Variants in PTPRD observed in about 807,000 individuals in gnomAD.
The protein encoded by PTPRD is receptor-type tyrosine-protein phosphatase delta.
A neutral mutation model predicts 214.5 loss-of-function variants in PTPRD; 34 were observed. The observed-to-expected ratio is 0.16, with a 90% CI of 0.12 to 0.21. The LOEUF is 0.21. PTPRD is among the 10% of genes least tolerant of loss of function. The pLI, the probability that PTPRD is intolerant of heterozygous loss-of-function variation, is 1.00. For missense variants in PTPRD, 2,545 were observed against 2,398.7 expected, an observed-to-expected ratio of 1.06 and a Z score of -1.27; for synonymous variants, 1,128 against 845.7, an observed-to-expected ratio of 1.33 and a Z score of -5.79.
chr9:10,552,480 C>T (rs957388258), intron 2 of PTPRD, among the ~76,000 whole-genome samples: 1 of 151,838 alleles, frequency 6.6e-6, no homozygotes, highest in Admixed American at 6.6e-5. Flanking sequence ...TCTTTTTTTT[C>T]TACATGATCA....
chr9:10,578,863 T>C (rs1291627077), intron 2 of PTPRD, among the ~76,000 whole-genome samples: 1 of 152,012 alleles, frequency 6.6e-6, no homozygotes, highest in East Asian at 1.9e-4. Context: ...AATAGTCGTG[T>C]TTTGTTTTGT....
At chr9:9,699,759 T>C (rs2097455566) in intron 7 of PTPRD, among the ~76,000 whole-genome samples, 1 of 152,136 alleles carries the variant, frequency 6.6e-6, no homozygotes, top group African/African-American at 2.4e-5. Context: ...TATCCACTAA[T>C]TAGAACTGGA....
chr9:8,713,732 C>T lies in PTPRD; in HGVS notation c.64+20048G>A, dbSNP rs1597728370. On this transcript the variant is annotated intron_variant, in intron 12 of 45. Coordinates refer to ENST00000381196, the MANE Select transcript of PTPRD (RefSeq NM_002839.4). ...GCGGCCAGCAAGTGACGCCGGCAGG[C>T]TGTCAAGCAGTTCCACGACTGCAAG... 15 of 1,503,976 alleles carry T rather than the reference C, an allele frequency of 1.0e-5. No homozygotes were observed. In the East Asian group the frequency reaches 2.7e-4, roughly 28 times the overall value. The allele number at this position is 1,503,976 out of a possible 1,614,324, so 93.2% of individuals were successfully genotyped here.
intron 2 of PTPRD, among the ~76,000 whole-genome samples, chr9:10,502,803 AATAAT>A (rs1176579547): frequency 9.2e-5 from 14 of 152,070 alleles, no homozygotes; most frequent in Non-Finnish European, 1.0e-4. Context: ...GTTTTCAGAT[AATAAT>A]ATAATACATT....
intron 9 of PTPRD, among the ~76,000 whole-genome samples, chr9:9,285,481 G>A (rs1949067175): frequency 6.6e-6 from 1 of 151,618 alleles, no homozygotes; most frequent in Non-Finnish European, 1.5e-5. Context: ...ATCACTTGAT[G>A]GCTTCATTTC....
chr9:9,991,296 C>G (rs1158008328), intron 4 of PTPRD, among the ~76,000 whole-genome samples: 3 of 151,780 alleles, frequency 2.0e-5, no homozygotes, highest in Non-Finnish European at 2.9e-5. Flanking sequence ...ACAAATAGCA[C>G]TAACTCAAAC....
chr9:9,056,452 C>G (rs1036358158), intron 10 of PTPRD, among the ~76,000 whole-genome samples: 1 of 152,204 alleles, frequency 6.6e-6, no homozygotes, highest in Non-Finnish European at 1.5e-5. Context: ...TGCTGACCAC[C>G]TAACCTGCAG....
At chr9:9,538,820 C>G (rs625517) in intron 8 of PTPRD, among the ~76,000 whole-genome samples, 2 of 151,704 alleles carry the variant, frequency 1.3e-5, no homozygotes, top group African/African-American at 4.8e-5. Flanking sequence ...AGAACTGAAC[C>G]TACATTCAAA....
At chr9:10,448,246 A>C (rs1311715426) in intron 2 of PTPRD, among the ~76,000 whole-genome samples, 1 of 152,006 alleles carries the variant, frequency 6.6e-6, no homozygotes, top group Non-Finnish European at 1.5e-5. Flanking sequence ...GCCTTGAATG[A>C]CAGATAACAT....
At chr9:9,210,255 T>C (rs1390667568) in intron 9 of PTPRD, among the ~76,000 whole-genome samples, 57 of 152,134 alleles carry the variant, frequency 3.7e-4, no homozygotes, top group Admixed American at 3.7e-3. Context: ...AATAATGTAT[T>C]GGCTGTAACT....
chr9:10,069,869 T>C (rs1208291620), intron 3 of PTPRD, among the ~76,000 whole-genome samples: 1 of 152,028 alleles, frequency 6.6e-6, no homozygotes, highest in African/African-American at 2.4e-5. Flanking sequence ...AATTAATATC[T>C]ACTAAATTAT....
intron 3 of PTPRD, among the ~76,000 whole-genome samples, chr9:10,120,452 A>T (rs562678539): frequency 1.3e-5 from 2 of 152,148 alleles, no homozygotes; most frequent in East Asian, 3.9e-4. Context: ...CACACAAATC[A>T]TAAGATCTCA....
At chr9:9,369,726 G>A (rs1210616966) in intron 9 of PTPRD, among the ~76,000 whole-genome samples, 2 of 152,090 alleles carry the variant, frequency 1.3e-5, no homozygotes, top group South Asian at 2.1e-4. Context: ...TTTTCTTCTA[G>A]GATTTTTATG....
At chr9:10,407,121 T>A (rs1409971296) in intron 2 of PTPRD, among the ~76,000 whole-genome samples, 1 of 151,538 alleles carries the variant, frequency 6.6e-6, no homozygotes, top group Non-Finnish European at 1.5e-5. Context: ...TGCCAAAATA[T>A]CTCTGATACC....
intron 2 of PTPRD, among the ~76,000 whole-genome samples, chr9:10,592,783 C>A (rs1010501276): frequency 6.6e-6 from 1 of 151,908 alleles, no homozygotes; most frequent in Non-Finnish European, 1.5e-5. Flanking sequence ...CACCAATAAG[C>A]AGGAGTCTAA....
intron 11 of PTPRD, among the ~76,000 whole-genome samples, chr9:8,967,928 G>A (rs550234427): frequency 5.3e-5 from 8 of 151,972 alleles, no homozygotes; most frequent in East Asian, 3.9e-4. Context: ...GAGAGGCCCC[G>A]GTGTGTGATG....
At chr9:9,389,894 G>C (rs1197116715) in intron 9 of PTPRD, among the ~76,000 whole-genome samples, 3 of 152,160 alleles carry the variant, frequency 2.0e-5, no homozygotes, top group Admixed American at 6.5e-5. Context: ...AGTTTCTATA[G>C]ATTCTAGTAT....
chr9:8,730,087 T>C (rs2098638437), intron 12 of PTPRD, among the ~76,000 whole-genome samples: 1 of 151,864 alleles, frequency 6.6e-6, no homozygotes, highest in Admixed American at 6.6e-5. Flanking sequence ...AAACCCCGTC[T>C]CTACTAAATA....
intron 21 of PTPRD, among the ~76,000 whole-genome samples, chr9:8,508,115 G>A (rs146520155): frequency 1.3e-5 from 2 of 152,190 alleles, no homozygotes; most frequent in Admixed American, 1.3e-4. Flanking sequence ...GTGCCACAAA[G>A]CTAAACTACT....
Sources: gnomAD v4.1 joint callset for allele counts (sites outside exome capture counted in the v4.1 genomes callset) on GRCh38, gnomAD v4.1.1 for gene constraint, MANE v1.5 for transcripts, NCBI Gene and HGNC (gene_info 2026-07-23, HGNC 2026-07-21) for gene names.